HEMK2: variants seen among roughly 807,000 people sequenced by gnomAD.
The protein encoded by HEMK2 is methyltransferase HEMK2.
the HEMK2 span, among the ~76,000 whole-genome samples, chr21:28,617,655 C>T: frequency 6.6e-6 from 1 of 152,222 alleles, no homozygotes; most frequent in Non-Finnish European, 1.5e-5. Context: ...CATGATATGG[C>T]ACTTTGTGTT....
At chr21:28,821,742 G>A in the HEMK2 span, among the ~76,000 whole-genome samples, 8 of 152,124 alleles carry the variant, frequency 5.3e-5, no homozygotes, top group Non-Finnish European at 1.2e-4. Context: ...CAACAATTCT[G>A]ACATCTGTTT....
the HEMK2 span, among the ~76,000 whole-genome samples, chr21:28,855,601 C>T: frequency 1.1e-4 from 17 of 152,090 alleles, no homozygotes; most frequent in African/African-American, 4.1e-4. Context: ...TAAAATAAAC[C>T]ACACAATCAG....
chr21:28,809,689 T>C, the HEMK2 span, among the ~76,000 whole-genome samples: 1 of 152,186 alleles, frequency 6.6e-6, no homozygotes, highest in Non-Finnish European at 1.5e-5. Context: ...AGGAAGCAAT[T>C]TCTGCTATGT....
At chr21:28,762,774 T>C in the HEMK2 span, among the ~76,000 whole-genome samples, 8 of 152,134 alleles carry the variant, frequency 5.3e-5, no homozygotes, top group African/African-American at 1.9e-4. Context: ...CATGAAGGCC[T>C]TCACCAAGTG....
chr21:28,851,431 C>T, the HEMK2 span, among the ~76,000 whole-genome samples: 1 of 152,306 alleles, frequency 6.6e-6, no homozygotes, highest in East Asian at 1.9e-4. Flanking sequence ...GCCAGAGTAA[C>T]ACACTTAAAT....
the HEMK2 span, among the ~76,000 whole-genome samples, chr21:28,767,186 C>A: frequency 6.6e-6 from 1 of 151,992 alleles, no homozygotes; most frequent in African/African-American, 2.4e-5. Flanking sequence ...ATGTGACTTG[C>A]TCCTCCTTGC....
chr21:28,779,902 C>T, the HEMK2 span, among the ~76,000 whole-genome samples: 2 of 152,186 alleles, frequency 1.3e-5, no homozygotes, highest in Admixed American at 1.3e-4. Flanking sequence ...GCCATCTACA[C>T]CTGAGATTAA....
the HEMK2 span, among the ~76,000 whole-genome samples, chr21:28,844,167 A>G: frequency 1.3e-4 from 20 of 152,088 alleles, no homozygotes; most frequent in Admixed American, 1.3e-3. Context: ...TCAATTTGGT[A>G]AGCTTTAATT....
chr21:28,835,552 A>C, the HEMK2 span, among the ~76,000 whole-genome samples: 1 of 152,262 alleles, frequency 6.6e-6, no homozygotes, highest in East Asian at 1.9e-4. Context: ...CCAGAAAACC[A>C]ACCCAGGTAA....
At chr21:28,799,391 C>T in the HEMK2 span, among the ~76,000 whole-genome samples, 2 of 152,178 alleles carry the variant, frequency 1.3e-5, no homozygotes, top group East Asian at 1.9e-4. Flanking sequence ...GATTCAATTA[C>T]CTCCCACTGG....
chr21:28,878,861 G>T, the HEMK2 span, among the ~76,000 whole-genome samples: 1 of 150,056 alleles, frequency 6.7e-6, no homozygotes, highest in Non-Finnish European at 1.5e-5. Flanking sequence ...AATGCATCTG[G>T]CCCTCTTGTA....
chr21:28,627,559 GCT>G, the HEMK2 span, among the ~76,000 whole-genome samples: 1 of 152,076 alleles, frequency 6.6e-6, no homozygotes, highest in African/African-American at 2.4e-5. Flanking sequence ...TGCTTCCAAT[GCT>G]AAAATTAACA....
chr21:28,847,971 T>C, the HEMK2 span, among the ~76,000 whole-genome samples: 1 of 152,212 alleles, frequency 6.6e-6, no homozygotes, highest in Non-Finnish European at 1.5e-5. Flanking sequence ...ACCTGTTCCA[T>C]TGGTCTGTCT....
At chr21:28,876,530 T>C in the HEMK2 span, 3 of 1,365,404 alleles carry the variant, frequency 2.2e-6, no homozygotes, top group South Asian at 2.5e-5. Context: ...ATTAAGCCAT[T>C]TGGTAGTGTG....
chr21:28,759,859 C>T, the HEMK2 span, among the ~76,000 whole-genome samples: 1 of 152,108 alleles, frequency 6.6e-6, no homozygotes, highest in African/African-American at 2.4e-5. Context: ...CTGTGAGTCC[C>T]TTAAACCTCT....
chr21:28,723,970 C>T, the HEMK2 span, among the ~76,000 whole-genome samples: 1 of 152,094 alleles, frequency 6.6e-6, no homozygotes, highest in Non-Finnish European at 1.5e-5. Flanking sequence ...AGAAAGTGAA[C>T]CAACTGACAC....
the HEMK2 span, among the ~76,000 whole-genome samples, chr21:28,642,162 T>G: frequency 6.6e-6 from 1 of 152,354 alleles, no homozygotes; most frequent in South Asian, 2.1e-4. Flanking sequence ...CATTAAATGT[T>G]GAAACAACCC....
chr21:28,739,817 C>T, the HEMK2 span, among the ~76,000 whole-genome samples: 1 of 152,192 alleles, frequency 6.6e-6, no homozygotes. Context: ...TTGGACAGCA[C>T]AGTTCTAGAA....
chr21:28,689,202 T>A, the HEMK2 span, among the ~76,000 whole-genome samples: 1 of 152,230 alleles, frequency 6.6e-6, no homozygotes, highest in African/African-American at 2.4e-5. Context: ...TTGTACATTA[T>A]GAACCTGAGC....
Sources: allele counts gnomAD v4.1 joint callset (sites outside exome capture counted in the v4.1 genomes callset), GRCh38; gene constraint gnomAD v4.1.1; transcripts MANE v1.5; gene names NCBI Gene and HGNC (gene_info 2026-07-23, HGNC 2026-07-21).